GRAMD2B: variants seen among roughly 807,000 people sequenced by gnomAD.
GRAMD2B encodes GRAM domain containing 2B.
In GRAMD2B, 41 loss-of-function variants were observed where a neutral mutation model predicts 59.2. The ratio of observed to expected loss-of-function variants is 0.69; its 90% CI spans 0.54 to 0.90. The LOEUF (loss-of-function observed/expected upper bound fraction) is 0.90. Ranked by LOEUF, GRAMD2B falls within the 40% of genes least tolerant of loss-of-function variation. The pLI, the probability that GRAMD2B is intolerant of heterozygous loss-of-function variation, is 0.00. For missense variants in GRAMD2B, 424 were observed against 500.5 expected, an observed-to-expected ratio of 0.85 and a Z score of 1.46; for synonymous variants, 161 against 182.7, an observed-to-expected ratio of 0.88 and a Z score of 0.96.
Position 126,488,787 on chromosome 5 carries a change from T to G in GRAMD2B, c.1164-12T>G, listed in dbSNP as rs1349709701. 1 of 1,604,718 alleles carries G rather than the reference T, an allele frequency of 6.2e-7. No individual in the cohort carries two copies. The highest frequency in any genetic ancestry group is 8.5e-7 in the Non-Finnish European group (1 of 1,172,776). ...TCCCTGCCCATAATAATTTTTCTCTTTTTTCTTACAGACAGGCAGCACCAT... is the reference window on the plus strand; with the variant it reads ...TCCCTGCCCATAATAATTTTTCTCTGTTTTCTTACAGACAGGCAGCACCAT... On this transcript the variant is annotated splice_polypyrimidine_tract_variant and intron_variant, in intron 12 of 13. Transcript: ENST00000285689.
chr5:126,469,408 G>A (rs1769110972), intron 2 of GRAMD2B, among the ~76,000 whole-genome samples: 2 of 152,162 alleles, frequency 1.3e-5, no homozygotes. Flanking sequence ...TTGGAAAGCC[G>A]AGGCAGGTAG....
At chr5:126,398,004 T>A (rs1299276050) in intron 1 of GRAMD2B, among the ~76,000 whole-genome samples, 1 of 150,558 alleles carries the variant, frequency 6.6e-6, no homozygotes, top group Admixed American at 6.7e-5. Flanking sequence ...TGAATGTTTT[T>A]TCGTTGTTGG....
chr5:126,464,976 G>A (rs1222591953), intron 1 of GRAMD2B: 36 of 828,274 alleles, frequency 4.3e-5, no homozygotes, highest in Non-Finnish European at 5.1e-5. Flanking sequence ...GGAACTGCTT[G>A]GTTAAACAAC....
At chr5:126,413,062 T>C (rs1320761032) in intron 1 of GRAMD2B, among the ~76,000 whole-genome samples, 1 of 152,084 alleles carries the variant, frequency 6.6e-6, no homozygotes, top group African/African-American at 2.4e-5. Context: ...AGCCAACTTT[T>C]GGTTTCATTG....
upstream of GRAMD2B, among the ~76,000 whole-genome samples, chr5:126,368,427 C>T (rs1466273661): frequency 2.0e-5 from 3 of 152,232 alleles, no homozygotes; most frequent in Non-Finnish European, 2.9e-5. Flanking sequence ...CTATCAAAAC[C>T]TTATTCCTAT....
At chr5:126,360,165 C>G (rs1754156509) in exon 1 of GRAMD2B, 7 of 678,560 alleles carry the variant, frequency 1.0e-5, no homozygotes, top group Non-Finnish European at 1.2e-5. Context: ...GCGGCTGGTG[C>G]CATCCCTCTG....
At chr5:126,375,350 A>G (rs1052202242) in intron 1 of GRAMD2B, among the ~76,000 whole-genome samples, 1 of 152,044 alleles carries the variant, frequency 6.6e-6, no homozygotes, top group Admixed American at 6.6e-5. Context: ...TACCTTTCCA[A>G]AATTTACTCC....
intron 1 of GRAMD2B, chr5:126,459,021 C>T (rs1340906929): frequency 6.6e-6 from 1 of 152,170 alleles, no homozygotes; most frequent in Non-Finnish European, 1.5e-5. Flanking sequence ...TGGTTTCCCT[C>T]CATTATTGTA....
At chr5:126,394,723 G>A (rs543616044) in intron 1 of GRAMD2B, among the ~76,000 whole-genome samples, 1 of 152,322 alleles carries the variant, frequency 6.6e-6, no homozygotes, top group East Asian at 1.9e-4. Flanking sequence ...TTCTGATGGT[G>A]TGATTTCAGA....
chr5:126,490,009 G>A (rs1773625171), intron 13 of GRAMD2B, among the ~76,000 whole-genome samples: 1 of 152,114 alleles, frequency 6.6e-6, no homozygotes, highest in Admixed American at 6.5e-5. Context: ...AGTATTAAGA[G>A]CAAAGGAGTT....
chr5:126,395,356 A>G (rs1757268326), intron 1 of GRAMD2B, among the ~76,000 whole-genome samples: 1 of 152,208 alleles, frequency 6.6e-6, no homozygotes, highest in Non-Finnish European at 1.5e-5. Context: ...GAATTAAACA[A>G]CTATGGTCTG....
chr5:126,397,761 T>A (rs1299462151), intron 1 of GRAMD2B, among the ~76,000 whole-genome samples: 2 of 152,166 alleles, frequency 1.3e-5, no homozygotes, highest in African/African-American at 4.8e-5. Flanking sequence ...TAATGTACTA[T>A]AAAATTTAGT....
chr5:126,371,653 T>C, intron 1 of GRAMD2B: 1 of 1,129,752 alleles, frequency 8.9e-7, no homozygotes, highest in Non-Finnish European at 1.1e-6. Flanking sequence ...GAGCTCCTTT[T>C]TCATTCCTGG....
chr5:126,360,471 G>A (rs1287349043), intron 1 of GRAMD2B: 12 of 1,547,022 alleles, frequency 7.8e-6, no homozygotes, highest in Non-Finnish European at 9.6e-6. Flanking sequence ...TAAGTGACAG[G>A]TCTCAGACCT....
At chr5:126,405,896 T>C (rs1350537941) in intron 1 of GRAMD2B, among the ~76,000 whole-genome samples, 3 of 151,882 alleles carry the variant, frequency 2.0e-5, no homozygotes, top group Non-Finnish European at 2.9e-5. Flanking sequence ...AGATATTACA[T>C]AGATTTTATA....
chr5:126,396,428 A>G (rs781507967), intron 1 of GRAMD2B, among the ~76,000 whole-genome samples: 1 of 152,088 alleles, frequency 6.6e-6, no homozygotes, highest in South Asian at 2.1e-4. Context: ...AAAATGCAGT[A>G]TTTGGTTTTC....
intron 1 of GRAMD2B, among the ~76,000 whole-genome samples, chr5:126,365,704 C>CTT (rs112763413): frequency 4.3e-5 from 6 of 140,654 alleles, no homozygotes; most frequent in South Asian, 2.3e-4. Context: ...CAAATCAGAG[C>CTT]TTTTTTTTTT....
intron 11 of GRAMD2B, among the ~76,000 whole-genome samples, 161 bp downstream of exon 11, chr5:126,485,934 C>T (rs935103802): frequency 2.6e-5 from 4 of 152,084 alleles, no homozygotes; most frequent in African/African-American, 9.7e-5. Flanking sequence ...GGTTTTTTTC[C>T]TTAGGCTTAG....
At chr5:126,390,950 T>A (rs926209007) in intron 1 of GRAMD2B, among the ~76,000 whole-genome samples, 5 of 152,190 alleles carry the variant, frequency 3.3e-5, no homozygotes, top group Non-Finnish European at 7.3e-5. Flanking sequence ...CTAAATTCCA[T>A]ACTCTAGCCA....
Sources: allele counts gnomAD v4.1 joint callset (sites outside exome capture counted in the v4.1 genomes callset), GRCh38; gene constraint gnomAD v4.1.1; transcripts MANE v1.5; gene names NCBI Gene and HGNC (gene_info 2026-07-23, HGNC 2026-07-21).